The following PODXL2 variants were observed in gnomAD, a reference collection of about 807,000 sequenced individuals.
The protein encoded by PODXL2 is podocalyxin like 2.
Under a neutral mutation model 53.4 loss-of-function variants are expected in PODXL2, and 17 were observed. The ratio of observed to expected loss-of-function variants is 0.32; its 90% CI spans 0.22 to 0.48. The LOEUF (loss-of-function observed/expected upper bound fraction) is 0.48. PODXL2 is among the 20% of genes least tolerant of loss of function. PODXL2 has a pLI of 0.99. For missense variants in PODXL2, 673 were observed against 760.0 expected, an observed-to-expected ratio of 0.89 and a Z score of 1.35; for synonymous variants, 311 against 306.7, an observed-to-expected ratio of 1.01 and a Z score of -0.15.
At chr3:127,642,365 C>T (rs141627855) in intron 2 of PODXL2, among the ~76,000 whole-genome samples, 1 of 151,168 alleles carries the variant, frequency 6.6e-6, no homozygotes, top group Admixed American at 6.6e-5. Context: ...TTAAAACAAT[C>T]TAAGGAGAGT....
At chr3:127,665,532 A>G (rs750212810) in intron 4 of PODXL2, among the ~76,000 whole-genome samples, 3 of 152,242 alleles carry the variant, frequency 2.0e-5, no homozygotes, top group Non-Finnish European at 4.4e-5. Flanking sequence ...GGAGGAAGAA[A>G]GATAAAACAG....
intron 4 of PODXL2, among the ~76,000 whole-genome samples, chr3:127,666,653 A>G (rs1160725465): frequency 6.6e-6 from 1 of 151,926 alleles, no homozygotes; most frequent in Non-Finnish European, 1.5e-5. Flanking sequence ...CAAGTGATCC[A>G]CCTCCCTTGG....
intron 1 of PODXL2, 108 bp from the exon 2 acceptor site, chr3:127,639,137 A>G: frequency 8.8e-7 from 1 of 1,132,592 alleles, no homozygotes; most frequent in East Asian, 2.5e-5. Context: ...TGTCCACTGA[A>G]GTCCCCCCTT....
chr3:127,629,393 CCGGG>C lies in PODXL2; in HGVS notation c.70+105_70+108del. The C allele has an allele frequency of 1.1e-6, 1 of 897,524 alleles. No individual in the cohort carries two copies. Among genetic ancestry groups the C allele is most frequent in the Non-Finnish European group, 1.3e-6 (1 of 749,248 alleles). 55.6% of individuals were successfully genotyped at this position (897,524 alleles called of 1,614,324 possible). A position where few individuals can be genotyped will look rare whatever the true frequency, so the allele number is the denominator to read the frequency against. ...ACAAAGGGGCCAGAGTGCGGCGCCG[CCGGG>C]AGCGCGCGTGTCCCGGCCGGGCCGC... On this transcript the variant is annotated intron_variant, in intron 1 of 7. Coordinates refer to ENST00000342480, the MANE Select transcript of PODXL2 (RefSeq NM_015720.4). The surrounding 1 kb of genome is among the most constrained non-coding windows in gnomAD (Gnocchi z 6.4).
intron 2 of PODXL2, among the ~76,000 whole-genome samples, chr3:127,644,375 T>C (rs1196511405): frequency 6.6e-6 from 1 of 152,132 alleles, no homozygotes; most frequent in Non-Finnish European, 1.5e-5. Flanking sequence ...CAAAGTATTG[T>C]GATTACAGGT....
rs1205002513 is a variant in PODXL2 at position 127,639,484 on chromosome 3, G to T, written c.310G>T (p.Glu104Ter). The T allele has an allele frequency of 6.2e-7, 1 of 1,614,080 alleles. No individual in the cohort carries two copies. The highest frequency in any genetic ancestry group is 8.5e-7 in the Non-Finnish European group (1 of 1,180,010). ...PPQYFWEEEEELNDSSLDLGP... is the reference protein window; with the variant it reads ...PPQYFWEEEE ...ACAGTACTTCTGGGAAGAGGAGGAAGAGCTGAATGACTCAAGTCTGGACCT... is the reference window on the plus strand; with the variant it reads ...ACAGTACTTCTGGGAAGAGGAGGAATAGCTGAATGACTCAAGTCTGGACCT... Residue 104 changes from glutamate (E) to a stop codon, truncating the protein, a stop_gained, in exon 2 of 8, where the codon GAG becomes TAG. Coordinates refer to ENST00000342480, the MANE Select transcript of PODXL2 (RefSeq NM_015720.4). LOFTEE classifies it high-confidence loss of function.
intron 6 of PODXL2, among the ~76,000 whole-genome samples, chr3:127,670,191 C>G (rs1284592926): frequency 6.6e-6 from 1 of 152,192 alleles, no homozygotes; most frequent in African/African-American, 2.4e-5. Context: ...AGTGAGGCAC[C>G]TGTTGAGTAC....
chr3:127,647,521 TCAGA>T (rs1226583460), intron 2 of PODXL2, among the ~76,000 whole-genome samples: 8 of 152,198 alleles, frequency 5.3e-5, no homozygotes, highest in Non-Finnish European at 8.8e-5. Context: ...GATACCCAAC[TCAGA>T]CAGGCTCACG....
At chr3:127,663,997 TGTA>T (rs1431484843) in intron 4 of PODXL2, among the ~76,000 whole-genome samples, 1 of 152,250 alleles carries the variant, frequency 6.6e-6, no homozygotes. Flanking sequence ...TTTTTTTTAT[TGTA>T]GTAAAAAACA....
intron 1 of PODXL2, among the ~76,000 whole-genome samples, chr3:127,633,275 A>C (rs1042619343): frequency 6.6e-6 from 1 of 152,154 alleles, no homozygotes; most frequent in Non-Finnish European, 1.5e-5. Context: ...CTCTTCCTTC[A>C]CGTATCCTTT....
intron 6 of PODXL2, 74 bp downstream of exon 6, chr3:127,669,276 A>C: frequency 9.5e-7 from 1 of 1,054,130 alleles, no homozygotes; most frequent in Non-Finnish European, 1.4e-6. Context: ...AAGTCCCAGG[A>C]GTCTGCCCAC....
intron 4 of PODXL2, among the ~76,000 whole-genome samples, chr3:127,667,729 G>A (rs1285047139): frequency 1.3e-5 from 2 of 152,214 alleles, no homozygotes; most frequent in Non-Finnish European, 1.5e-5. Context: ...GCGAGTGCAC[G>A]ATGAGAAAAG....
intron 3 of PODXL2, 43 bp from the exon 4 acceptor site, chr3:127,662,194 A>G (rs781153863): frequency 1.2e-5 from 19 of 1,558,960 alleles, no homozygotes; most frequent in East Asian, 6.7e-5. Context: ...TCCCTTTCCT[A>G]TGCCTTCGTA....
intron 2 of PODXL2, among the ~76,000 whole-genome samples, chr3:127,644,046 C>T (rs1034417094): frequency 2.6e-5 from 4 of 152,076 alleles, no homozygotes; most frequent in Non-Finnish European, 5.9e-5. Context: ...CCATATAGAT[C>T]ATCTATTGTC....
intron 4 of PODXL2, among the ~76,000 whole-genome samples, chr3:127,665,580 A>G (rs2074791445): frequency 2.0e-5 from 3 of 152,260 alleles, no homozygotes; most frequent in Non-Finnish European, 4.4e-5. Context: ...CTAGAAGGCA[A>G]AAGAAATCCT....
At chr3:127,645,114 T>C (rs1304411195) in intron 2 of PODXL2, among the ~76,000 whole-genome samples, 2 of 152,372 alleles carry the variant, frequency 1.3e-5, no homozygotes, top group East Asian at 1.9e-4. Context: ...ATGCTCTTGA[T>C]AGTCCGGCCC....
chr3:127,638,551 C>G (rs1314749800), intron 1 of PODXL2, among the ~76,000 whole-genome samples: 3 of 152,052 alleles, frequency 2.0e-5, no homozygotes, highest in Non-Finnish European at 4.4e-5. Context: ...CCTGTCTGTA[C>G]TAAAAATACA....
chr3:127,635,619 T>C (rs1014630181), intron 1 of PODXL2, among the ~76,000 whole-genome samples: 1 of 152,216 alleles, frequency 6.6e-6, no homozygotes, highest in Non-Finnish European at 1.5e-5. Flanking sequence ...ATCTGATCCC[T>C]GGACAGAAGC....
rs1019161388 is a variant in PODXL2, at chr3:127,632,693, A to G, written c.70+3404A>G. ...CTGCTTTTGCAAAGCAGTCTGCTAC[A>G]TCGGCTCATATCCCCTAAAGAACTT... On this transcript the variant is annotated intron_variant, in intron 1 of 7. Coordinates refer to ENST00000342480, the MANE Select transcript of PODXL2 (RefSeq NM_015720.4). Among the ~76,000 whole-genome samples the G allele has an allele frequency of 2.6e-5, 4 of 152,202 alleles. No homozygotes were observed. In the South Asian group the frequency reaches 8.3e-4, roughly 32 times the overall value.
Sources: allele counts gnomAD v4.1 joint callset (sites outside exome capture counted in the v4.1 genomes callset), GRCh38; gene constraint gnomAD v4.1.1; non-coding constraint Gnocchi (gnomAD v3.1); transcripts MANE v1.5; gene names NCBI Gene and HGNC (gene_info 2026-07-23, HGNC 2026-07-21).